CYRIB: variants seen among roughly 807,000 people sequenced by gnomAD.
The protein encoded by CYRIB is CYFIP-related Rac1 interactor B.
In CYRIB, 8 loss-of-function variants were observed where a neutral mutation model predicts 44.2. That is an observed-to-expected ratio of 0.18 (90% CI 0.11 to 0.33). The LOEUF is 0.33. CYRIB is among the 10% of genes least tolerant of loss of function. The pLI is 1.00. For synonymous variants in CYRIB, 131 were observed against 127.2 expected (o/e 1.03, Z -0.20); for missense variants, 185 against 382.8 (o/e 0.48, Z 4.31).
chr8:129,922,543 T>C (rs1036803564), intron 1 of CYRIB, among the ~76,000 whole-genome samples: 1 of 151,860 alleles, frequency 6.6e-6, no homozygotes, highest in Non-Finnish European at 1.5e-5. Flanking sequence ...CAGAAAAAAA[T>C]GGCAAAACAC....
At chr8:129,985,867 A>C (rs2096436943) in intron 1 of CYRIB, among the ~76,000 whole-genome samples, 1 of 152,196 alleles carries the variant, frequency 6.6e-6, no homozygotes, top group Admixed American at 6.5e-5. Context: ...AGGGATGGAA[A>C]TGAGGAACAG....
chr8:129,915,778 C>A lies in CYRIB; in HGVS notation c.-49-12428G>T, dbSNP rs148462192. Among the ~76,000 whole-genome samples, 940 of 152,166 alleles carry A rather than the reference C, an allele frequency of 6.2e-3. 9 individuals are homozygous for A. The highest frequency in any genetic ancestry group is 0.021 in the African/African-American group (891 of 41,504). On this transcript the variant is annotated intron_variant, in intron 1 of 11. Coordinates refer to ENST00000519824, the Ensembl canonical transcript of CYRIB. ...AACCCACTAAATTTTGTGGGTCAAG[C>A]CTGAGAAATTGCATTTTCCAAGATC...
At chr8:129,989,283 C>G (rs2096562601) in intron 1 of CYRIB, among the ~76,000 whole-genome samples, 1 of 152,178 alleles carries the variant, frequency 6.6e-6, no homozygotes, top group Non-Finnish European at 1.5e-5. Context: ...CTCTCACCCT[C>G]TCTCCTACCG....
intron 1 of CYRIB, among the ~76,000 whole-genome samples, chr8:129,939,050 C>G (rs1003139214): frequency 7.2e-5 from 11 of 152,118 alleles, no homozygotes; most frequent in Non-Finnish European, 1.0e-4. Context: ...AAGATCTGGC[C>G]GCGCAGGTGG....
chr8:129,880,539 G>T, intron 2 of CYRIB: 3 of 581,528 alleles, frequency 5.2e-6, no homozygotes, highest in Non-Finnish European at 6.5e-6. Context: ...AGGCTGGCTT[G>T]CTCATAATTA....
chr8:129,963,818 T>C (rs1055259170), intron 2 of CYRIB, among the ~76,000 whole-genome samples: 4 of 152,246 alleles, frequency 2.6e-5, no homozygotes, highest in Non-Finnish European at 5.9e-5. Context: ...ATCTGAATTG[T>C]GCAGATAATG....
chr8:129,956,004 C>G (rs114323638), intron 2 of CYRIB, among the ~76,000 whole-genome samples: 98 of 152,266 alleles, frequency 6.4e-4, no homozygotes, highest in African/African-American at 2.2e-3. Context: ...CCTCTGGGGT[C>G]AAGAAGGTAA....
chr8:129,910,000 C>T (rs750389329), intron 1 of CYRIB, among the ~76,000 whole-genome samples: 97 of 152,348 alleles, frequency 6.4e-4, no homozygotes, highest in Non-Finnish European at 1.2e-3. Flanking sequence ...AAGACATCAC[C>T]TCAGGGGATG....
intron 1 of CYRIB, among the ~76,000 whole-genome samples, chr8:129,925,253 C>G (rs922157461): frequency 1.3e-5 from 2 of 152,106 alleles, no homozygotes; most frequent in Non-Finnish European, 2.9e-5. Context: ...CAAAAATTAG[C>G]CGGGCATGGT....
intron 1 of CYRIB, chr8:130,008,593 T>C (rs1006746877): frequency 1.3e-5 from 2 of 153,772 alleles, no homozygotes; most frequent in Admixed American, 1.3e-4. Flanking sequence ...GTGACTGTTC[T>C]GTTGTTGAAT....
intron 1 of CYRIB, among the ~76,000 whole-genome samples, chr8:129,926,834 T>A (rs1287073749): frequency 6.6e-6 from 1 of 152,224 alleles, no homozygotes; most frequent in Non-Finnish European, 1.5e-5. Context: ...ATATATCTAC[T>A]GGCTCCACAC....
intron 2 of CYRIB, among the ~76,000 whole-genome samples, chr8:129,958,975 A>G (rs1325887468): frequency 1.3e-5 from 2 of 148,794 alleles, no homozygotes; most frequent in Non-Finnish European, 3.0e-5. Context: ...TGAGGCAGAG[A>G]ATTGCTTGAA....
intron 1 of CYRIB, among the ~76,000 whole-genome samples, chr8:129,973,902 G>C (rs1383697266): frequency 6.6e-6 from 1 of 152,122 alleles, no homozygotes; most frequent in Admixed American, 6.6e-5. Context: ...AGAAAGGCTG[G>C]ATTTCTCTGT....
At chr8:129,861,976 A>T (rs16904162) in intron 5 of CYRIB, among the ~76,000 whole-genome samples, 2,189 of 152,262 alleles carry the variant, frequency 0.014, 51 homozygotes, top group African/African-American at 0.049. Context: ...TTTAAAATCA[A>T]TGCTCAGATT....
upstream of CYRIB, among the ~76,000 whole-genome samples, chr8:129,940,725 G>C (rs182180955): frequency 3.8e-3 from 581 of 152,228 alleles, 3 homozygotes; most frequent in Non-Finnish European, 5.9e-3. Flanking sequence ...ATCTCTCCCA[G>C]GGTTGTTTTC....
chr8:129,922,232 G>C (rs1306743883), intron 1 of CYRIB, among the ~76,000 whole-genome samples: 1 of 152,068 alleles, frequency 6.6e-6, no homozygotes, highest in Non-Finnish European at 1.5e-5. Flanking sequence ...TTCCTTTTAT[G>C]TCCAAATTAC....
intron 2 of CYRIB, among the ~76,000 whole-genome samples, chr8:129,954,230 AT>A (rs559886579): frequency 5.2e-4 from 78 of 150,014 alleles, no homozygotes; most frequent in East Asian, 7.8e-4. Flanking sequence ...TTAATTTTTA[AT>A]TTTTTTTTTG....
chr8:130,004,164 C>T (rs1014198269), intron 1 of CYRIB, among the ~76,000 whole-genome samples: 1 of 152,236 alleles, frequency 6.6e-6, no homozygotes, highest in African/African-American at 2.4e-5. Context: ...GATAATCACA[C>T]ATACACAGGT....
chr8:129,976,469 C>T (rs184855184), intron 1 of CYRIB, among the ~76,000 whole-genome samples: 19 of 152,216 alleles, frequency 1.2e-4, no homozygotes, highest in South Asian at 4.1e-4. Flanking sequence ...AAAATTATTA[C>T]GGCAATGTTT....
Sources: allele counts gnomAD v4.1 joint callset (sites outside exome capture counted in the v4.1 genomes callset), GRCh38; gene constraint gnomAD v4.1.1; transcripts MANE v1.5; gene names NCBI Gene and HGNC (gene_info 2026-07-23, HGNC 2026-07-21).